The following PTPN18 variants were observed in gnomAD, a reference collection of about 807,000 sequenced individuals.
The protein encoded by PTPN18 is tyrosine-protein phosphatase non-receptor type 18.
A neutral mutation model predicts 65.4 loss-of-function variants in PTPN18; 65 were observed. The ratio of observed to expected loss-of-function variants is 0.99; its 90% confidence interval spans 0.81 to 1.22. The LOEUF is 1.22. Ranked by LOEUF, PTPN18 falls within the 50% of genes most tolerant of loss-of-function variation. PTPN18 has a pLI of 0.00. For synonymous variants in PTPN18, 255 were observed against 267.8 expected, an observed-to-expected ratio of 0.95 and a Z score of 0.47; for missense variants, 616 against 646.5, an observed-to-expected ratio of 0.95 and a Z score of 0.51.
At chr2:130,361,774 G>A (rs1680224133) in intron 5 of PTPN18, among the ~76,000 whole-genome samples, 1 of 152,006 alleles carries the variant, frequency 6.6e-6, no homozygotes, top group African/African-American at 2.4e-5. Flanking sequence ...TTTTAGTAGA[G>A]ATGGGGTTTC....
At chr2:130,359,209 G>A (rs571153780) in intron 2 of PTPN18, 24 bp from the exon 3 acceptor site, 12 of 1,613,356 alleles carry the variant, frequency 7.4e-6, no homozygotes, top group Non-Finnish European at 9.3e-6. Context: ...CAAACTCCAC[G>A]TTTCTCACCT....
chr2:130,356,392 C>G (rs983286748), intron 1 of PTPN18, among the ~76,000 whole-genome samples, 192 bp downstream of exon 1: 2 of 152,184 alleles, frequency 1.3e-5, no homozygotes, highest in African/African-American at 4.8e-5. Flanking sequence ...ACTCTCTGCC[C>G]CCCGGCCCCG....
intron 12 of PTPN18, 150 bp from the exon 13 acceptor site, chr2:130,372,107 G>T: frequency 1.5e-6 from 1 of 669,760 alleles, no homozygotes; most frequent in Admixed American, 3.2e-5. Context: ...GGACACAGAA[G>T]CGAGGCCTCC....
intron 1 of PTPN18, among the ~76,000 whole-genome samples, 170 bp downstream of exon 1, chr2:130,356,370 G>A (rs1472532330): frequency 6.6e-6 from 1 of 151,918 alleles, no homozygotes; most frequent in Non-Finnish European, 1.5e-5. Flanking sequence ...CGCTCTTGCT[G>A]TCTCCGTCTT....
chr2:130,357,138 A>G (rs1680000591), intron 1 of PTPN18, among the ~76,000 whole-genome samples: 1 of 152,174 alleles, frequency 6.6e-6, no homozygotes, highest in South Asian at 2.1e-4. Flanking sequence ...CAGTGAGCTG[A>G]GATGGTTCCA....
At chr2:130,369,511 G>A (rs1680484716) in intron 6 of PTPN18, among the ~76,000 whole-genome samples, 1 of 152,116 alleles carries the variant, frequency 6.6e-6, no homozygotes, top group African/African-American at 2.4e-5. Context: ...TGCAATAAAA[G>A]TTTCATTTTA....
chr2:130,371,393 G>A, intron 12 of PTPN18, 106 bp downstream of exon 12: 4 of 984,436 alleles, frequency 4.1e-6, no homozygotes, highest in Non-Finnish European at 5.9e-6. Context: ...CCAAGTGTTC[G>A]CTGGCCCTTT....
chr2:130,373,057 C>A lies in PTPN18; in HGVS notation c.1316-100C>A, dbSNP rs958648270. On this transcript the variant is annotated intron_variant, in intron 14 of 14. Transcript: ENST00000175756. The surrounding 1 kb of genome is among the most constrained non-coding windows in gnomAD (Gnocchi z 4.1). ...GTCCTGTGGATGTGGCTGCAGTGAA[C>A]CAGGAGGACCTGGAGGCGGGGGGAT... 30 of 1,547,454 alleles carry A rather than the reference C, an allele frequency of 1.9e-5. No individual in the cohort carries two copies. Among genetic ancestry groups the A allele is most frequent in the Middle Eastern group, 3.4e-4 (2 of 5,814 alleles).
At chr2:130,370,443 A>T in intron 8 of PTPN18, 114 bp from the exon 9 acceptor site, 1 of 1,278,048 alleles carries the variant, frequency 7.8e-7, no homozygotes, top group South Asian at 1.2e-5. Flanking sequence ...AGATTCTGGG[A>T]ATCAAGAGGC....
chr2:130,371,825 C>CA (rs147019367), intron 12 of PTPN18, among the ~76,000 whole-genome samples: 4,075 of 152,078 alleles, frequency 0.027, 188 homozygotes, highest in African/African-American at 0.094. Context: ...AAAAAAACAA[C>CA]AAAAAAAATT....
At chr2:130,370,256 G>C (rs938746402) in intron 8 of PTPN18, 66 bp downstream of exon 8, 3 of 1,592,152 alleles carry the variant, frequency 1.9e-6, no homozygotes, top group Non-Finnish European at 2.6e-6. Flanking sequence ...GGGGAGTACA[G>C]GGCATGGGGC....
In PTPN18 at chr2:130,369,183, G is replaced by A; in HGVS notation, c.465G>A (p.Gly155=). 1 of 1,613,382 alleles carries A rather than the reference G, an allele frequency of 6.2e-7. No homozygotes were observed. The highest frequency in any genetic ancestry group is 2.2e-5 in the East Asian group (1 of 44,842). The change falls in exon 6 of 15, where the codon GGG becomes GGA. Residue 155 remains glycine (G), a synonymous_variant. Transcript: ENST00000175756. ...AGGAGCAGGAGCCACTGCAGACTGG[G>A]CTTTTCTGCATCACTCTGGTGAGCT... ...WAQEQEPLQT[G]LFCITLIKEK...
chr2:130,359,761 G>A, intron 5 of PTPN18, 115 bp downstream of exon 5: 1 of 1,266,094 alleles, frequency 7.9e-7, no homozygotes, highest in Non-Finnish European at 1.1e-6. Flanking sequence ...TGACCTTATT[G>A]TAGCTCTGTG....
rs546757691 is a variant in PTPN18 at position 130,375,006 on chromosome 2, C to T, written c.*1782C>T. 1.6e-3 allele frequency: 345 copies of T among 213,046 alleles called. No homozygotes were observed. Among genetic ancestry groups the T allele is most frequent in the African/African-American group, 6.0e-3 (262 of 43,842 alleles). 13.2% of individuals were successfully genotyped at this position (213,046 alleles called of 1,614,324 possible). A position where few individuals can be genotyped will look rare whatever the true frequency, so the allele number is the denominator to read the frequency against. Reference sequence around the variant, plus strand: ...AGCTGGTGTGATATCATACCTTCGCCGGCCGCCTTTCCTTCCTGTTCTCTG... The same window carrying T: ...AGCTGGTGTGATATCATACCTTCGCTGGCCGCCTTTCCTTCCTGTTCTCTG... On this transcript the variant is annotated 3_prime_UTR_variant, in exon 15 of 15. Coordinates refer to ENST00000175756, the MANE Select transcript of PTPN18 (RefSeq NM_014369.4).
At chr2:130,363,544 G>C (rs1680292664) in intron 5 of PTPN18, among the ~76,000 whole-genome samples, 1 of 152,084 alleles carries the variant, frequency 6.6e-6, no homozygotes, top group Non-Finnish European at 1.5e-5. Flanking sequence ...ATCTATTTTT[G>C]CCTTTATACA....
At chr2:130,363,687 T>G (rs1345848990) in intron 5 of PTPN18, among the ~76,000 whole-genome samples, 2 of 152,238 alleles carry the variant, frequency 1.3e-5, no homozygotes, top group Non-Finnish European at 2.9e-5. Context: ...TTTTACTTAT[T>G]GGTTGACAGA....
intron 1 of PTPN18, chr2:130,356,685 G>A: frequency 4.4e-6 from 2 of 458,958 alleles, no homozygotes; most frequent in Non-Finnish European, 4.6e-6. Flanking sequence ...ATCCGCGTCC[G>A]GGCCCGAATC....
chr2:130,367,951 C>A (rs1558845461), intron 5 of PTPN18, among the ~76,000 whole-genome samples: 1 of 151,962 alleles, frequency 6.6e-6, no homozygotes, highest in Admixed American at 6.6e-5. Flanking sequence ...TCATTTTTTT[C>A]ATTTCATTTT....
At chr2:130,370,644 G>A in intron 9 of PTPN18, 21 bp downstream of exon 9, 2 of 1,614,184 alleles carry the variant, frequency 1.2e-6, no homozygotes, top group South Asian at 2.2e-5. Flanking sequence ...GGCATCCTGT[G>A]TGTGCAGTGT....
Sources: allele counts gnomAD v4.1 joint callset (sites outside exome capture counted in the v4.1 genomes callset), GRCh38; gene constraint gnomAD v4.1.1; non-coding constraint Gnocchi (gnomAD v3.1); transcripts MANE v1.5; gene names NCBI Gene and HGNC (gene_info 2026-07-23, HGNC 2026-07-21).